Variants in PCSK2 observed in about 807,000 individuals in gnomAD.
PCSK2 encodes proprotein convertase subtilisin/kexin type 2, also known as neuroendocrine convertase 2.
In PCSK2, 14 loss-of-function variants were observed where a neutral mutation model predicts 69.7. That is an observed-to-expected ratio of 0.20 (90% CI 0.13 to 0.31). The LOEUF (loss-of-function observed/expected upper bound fraction) is 0.31. Among genes scored for constraint, PCSK2 ranks in the 10% least tolerant of loss-of-function variants. PCSK2 has a pLI of 1.00. For synonymous variants in PCSK2, 307 were observed against 320.7 expected (o/e 0.96, Z 0.46); for missense variants, 544 against 842.5 (o/e 0.65, Z 4.39).
chr20:17,421,807 T>TTAA (rs2032132866), intron 6 of PCSK2, among the ~76,000 whole-genome samples: 2 of 78,972 alleles, frequency 2.5e-5, no homozygotes, highest in African/African-American at 5.0e-5. Context: ...GGAAGAGAGG[T>TTAA]AAAAAAAAAA....
At chr20:17,312,350 CT>C (rs1989544116) in intron 2 of PCSK2, among the ~76,000 whole-genome samples, 1 of 152,130 alleles carries the variant, frequency 6.6e-6, no homozygotes. Flanking sequence ...TGGCACTCTT[CT>C]CTTTTGAGGG....
intron 2 of PCSK2, among the ~76,000 whole-genome samples, chr20:17,298,866 T>C (rs961208239): frequency 3.3e-5 from 5 of 152,120 alleles, no homozygotes; most frequent in African/African-American, 1.2e-4. Flanking sequence ...TTGTAGATGT[T>C]TTCCCTCATA....
intron 1 of PCSK2, among the ~76,000 whole-genome samples, chr20:17,245,985 A>T (rs1986757784): frequency 6.6e-6 from 1 of 152,194 alleles, no homozygotes; most frequent in African/African-American, 2.4e-5. Context: ...AACCTTAGTC[A>T]TCCACACTGA....
intron 11 of PCSK2, among the ~76,000 whole-genome samples, chr20:17,469,490 A>C (rs1007145951): frequency 3.9e-5 from 6 of 152,038 alleles, no homozygotes; most frequent in African/African-American, 7.3e-5. Context: ...TAAGCCCAGG[A>C]GGTGTGTCCT....
intron 2 of PCSK2, among the ~76,000 whole-genome samples, chr20:17,311,391 A>C (rs1422977755): frequency 6.6e-6 from 1 of 152,138 alleles, no homozygotes; most frequent in Non-Finnish European, 1.5e-5. Flanking sequence ...TTCTTTAAAA[A>C]TTTAGGCACC....
chr20:17,347,838 A>AGAG, intron 2 of PCSK2, among the ~76,000 whole-genome samples: 2 of 144,314 alleles, frequency 1.4e-5, no homozygotes, highest in African/African-American at 2.6e-5. Context: ...GAAAGAAAGA[A>AGAG]AGAAAGAAAG....
chr20:17,344,247 G>A (rs966010588), intron 2 of PCSK2, among the ~76,000 whole-genome samples: 14 of 152,312 alleles, frequency 9.2e-5, no homozygotes, highest in Middle Eastern at 3.4e-3. Flanking sequence ...TTTGTCATTC[G>A]TGGGCTGCTT....
At chr20:17,283,346 G>T (rs1988390145) in intron 2 of PCSK2, among the ~76,000 whole-genome samples, 1 of 151,892 alleles carries the variant, frequency 6.6e-6, no homozygotes, top group Non-Finnish European at 1.5e-5. Flanking sequence ...GGGTGAGTTT[G>T]AATCTTTAAG....
chr20:17,414,147 T>C (rs2031942598), intron 6 of PCSK2, among the ~76,000 whole-genome samples: 1 of 151,790 alleles, frequency 6.6e-6, no homozygotes, highest in Non-Finnish European at 1.5e-5. Flanking sequence ...GTGAACAAAT[T>C]CAAAAGCTAG....
intron 1 of PCSK2, among the ~76,000 whole-genome samples, chr20:17,252,252 C>A (rs1369619157): frequency 1.3e-5 from 2 of 152,114 alleles, no homozygotes; most frequent in African/African-American, 4.8e-5. Context: ...CCACACTCTT[C>A]AAAATTAAAA....
chr20:17,450,802 C>T (rs1321321058), intron 8 of PCSK2, among the ~76,000 whole-genome samples: 1 of 152,192 alleles, frequency 6.6e-6, no homozygotes, highest in Non-Finnish European at 1.5e-5. Flanking sequence ...GAGGACCAAA[C>T]TCTCATGACT....
intron 2 of PCSK2, among the ~76,000 whole-genome samples, chr20:17,268,575 G>A (rs1987733055): frequency 6.6e-6 from 1 of 152,128 alleles, no homozygotes; most frequent in African/African-American, 2.4e-5. Context: ...TGTGTTCCAG[G>A]AACAGCAAGA....
At chr20:17,251,411 A>C (rs1476145587) in intron 1 of PCSK2, among the ~76,000 whole-genome samples, 1 of 152,212 alleles carries the variant, frequency 6.6e-6, no homozygotes, top group Non-Finnish European at 1.5e-5. Context: ...TAAATCACAA[A>C]AGCTACAATG....
chr20:17,440,209 C>T (rs1296696216), intron 8 of PCSK2, among the ~76,000 whole-genome samples: 1 of 152,178 alleles, frequency 6.6e-6, no homozygotes, highest in Non-Finnish European at 1.5e-5. Context: ...AAAGTGTGGC[C>T]ACAGCCCACC....
chr20:17,407,047 G>A (rs1265160182), intron 5 of PCSK2, among the ~76,000 whole-genome samples: 1 of 152,108 alleles, frequency 6.6e-6, no homozygotes, highest in Admixed American at 6.6e-5. Context: ...GAATGTCCTA[G>A]GCCAGCTAGT....
intron 2 of PCSK2, among the ~76,000 whole-genome samples, chr20:17,304,942 C>A (rs954475592): frequency 6.6e-6 from 1 of 152,172 alleles, no homozygotes; most frequent in East Asian, 1.9e-4. Flanking sequence ...TCATCTGCTA[C>A]GGTTAAGCCC....
intron 2 of PCSK2, among the ~76,000 whole-genome samples, chr20:17,316,374 T>C (rs545016167): frequency 5.2e-4 from 79 of 152,364 alleles, no homozygotes; most frequent in Non-Finnish European, 8.7e-4. Flanking sequence ...TATGAATATA[T>C]GTATCAGGCT....
intron 1 of PCSK2, among the ~76,000 whole-genome samples, chr20:17,241,863 C>T (rs1600402359): frequency 6.6e-6 from 1 of 152,192 alleles, no homozygotes; most frequent in East Asian, 1.9e-4. Flanking sequence ...ACCTAATAGG[C>T]ACATTACTCC....
intron 10 of PCSK2, among the ~76,000 whole-genome samples, chr20:17,460,199 G>A (rs754627698): frequency 4.0e-5 from 6 of 150,530 alleles, no homozygotes; most frequent in Admixed American, 2.0e-4. Context: ...GAAGCACAAA[G>A]GGCAAAAAAA....
Sources: allele counts gnomAD v4.1 joint callset (sites outside exome capture counted in the v4.1 genomes callset), GRCh38; gene constraint gnomAD v4.1.1; transcripts MANE v1.5; gene names NCBI Gene and HGNC (gene_info 2026-07-23, HGNC 2026-07-21).